Variants in PURG observed in about 807,000 individuals in gnomAD.
PURG encodes purine-rich element-binding protein gamma.
PURG carries 3 observed loss-of-function variants against 24.3 expected under a neutral mutation model. That is an observed-to-expected ratio of 0.12 (90% CI 0.06 to 0.32). PURG has a LOEUF of 0.32. PURG is among the 10% of genes least tolerant of loss of function. The pLI, the probability that PURG is intolerant of heterozygous loss-of-function variation, is 1.00. For synonymous variants in PURG, 180 were observed against 173.1 expected (o/e 1.04, Z -0.31); for missense variants, 371 against 439.1 (o/e 0.84, Z 1.39).
At chr8:31,019,782 C>T (rs958293116) in intron 1 of PURG, among the ~76,000 whole-genome samples, 3 of 151,302 alleles carry the variant, frequency 2.0e-5, no homozygotes, top group African/African-American at 2.4e-5. Flanking sequence ...CCACCCGCCT[C>T]GGCCTCCCAA....
At chr8:31,015,941 T>A (rs1217483824) in intron 1 of PURG, among the ~76,000 whole-genome samples, 1 of 151,960 alleles carries the variant, frequency 6.6e-6, no homozygotes, top group Admixed American at 6.6e-5. Context: ...TGGTCCCAGC[T>A]ACTTGGGAGG....
chr8:31,031,263 A>T lies in PURG; in HGVS notation c.*476T>A, dbSNP rs1424235616. ...ACAATATACGTCTACTTGTACTTTT[A>T]TAAGTAAATATTTATATATACCGGA... is the stretch of plus-strand genomic sequence containing the variant. On this transcript the variant is annotated 3_prime_UTR_variant, in exon 2 of 2. Coordinates refer to ENST00000523392, the MANE Select transcript of PURG (RefSeq NM_001323311.2). The T allele has an allele frequency of 1.3e-5, 2 of 156,256 alleles. No homozygotes were observed. The highest frequency in any genetic ancestry group is 2.8e-5 in the Non-Finnish European group (2 of 70,258). 9.7% of individuals were successfully genotyped at this position (156,256 alleles called of 1,614,324 possible). A position where few individuals can be genotyped will look rare whatever the true frequency, so the allele number is the denominator to read the frequency against.
chr8:30,997,881 C>A (rs1416575460), intron 1 of PURG, among the ~76,000 whole-genome samples: 1 of 151,742 alleles, frequency 6.6e-6, no homozygotes, highest in Non-Finnish European at 1.5e-5. Flanking sequence ...CTATACACAG[C>A]AGCACATCCA....
intron 1 of PURG, among the ~76,000 whole-genome samples, chr8:30,996,918 A>G (rs946708284): frequency 1.3e-4 from 19 of 151,794 alleles, no homozygotes; most frequent in African/African-American, 4.6e-4. Context: ...AGGTATATTC[A>G]GATCTCAATG....
At chr8:31,003,142 G>A (rs1810572329) in intron 1 of PURG, among the ~76,000 whole-genome samples, 1 of 152,166 alleles carries the variant, frequency 6.6e-6, no homozygotes, top group African/African-American at 2.4e-5. Context: ...TAGGTCATGT[G>A]AAAGGGAGGA....
At chr8:31,027,000 A>G (rs888658605), downstream of PURG, among the ~76,000 whole-genome samples, 1 of 151,680 alleles carries the variant, frequency 6.6e-6, no homozygotes, top group African/African-American at 2.4e-5. Context: ...TTCACATGAT[A>G]TTAAGTTGGG....
downstream of PURG, among the ~76,000 whole-genome samples, chr8:31,029,989 C>G (rs914626211): frequency 6.6e-6 from 1 of 151,884 alleles, no homozygotes; most frequent in African/African-American, 2.4e-5. Context: ...TTCCTTCACG[C>G]TACTAGAGGA....
At chr8:30,999,959 T>C (rs1173720370) in intron 1 of PURG, among the ~76,000 whole-genome samples, 1 of 126,166 alleles carries the variant, frequency 7.9e-6, no homozygotes, top group African/African-American at 3.2e-5. Flanking sequence ...ACATAAGTCG[T>C]ATGTGTTTTC....
In PURG at chr8:30,996,676, TGGATTTGG is replaced by T. The variant is rs751604214; in HGVS notation, c.878_885del (p.Pro293GlnfsTer15). On this transcript the variant is annotated frameshift_variant, in exon 2 of 2. Transcript: ENST00000339382. LOFTEE classifies it high-confidence loss of function. ...CAGTGAAAAAGGTTGATATTCTCTC[TGGATTTGG>T]GGTAATTTGTGAGCTAAAGAAAAAA... 1.2e-6 allele frequency: 2 copies of T among 1,611,768 alleles called. No homozygotes were observed. The highest frequency in any genetic ancestry group is 1.7e-6 in the Non-Finnish European group (2 of 1,178,298).
chr8:31,031,289 G>A lies in PURG; in HGVS notation c.*450C>T, dbSNP rs933421307. 3.8e-5 allele frequency: 6 copies of A among 159,068 alleles called. No individual in the cohort carries two copies. Among genetic ancestry groups the A allele is most frequent in the Non-Finnish European group, 5.6e-5 (4 of 71,970 alleles). 9.9% of individuals were successfully genotyped at this position (159,068 alleles called of 1,614,324 possible). A position where few individuals can be genotyped will look rare whatever the true frequency, so the allele number is the denominator to read the frequency against. On this transcript the variant is annotated 3_prime_UTR_variant, in exon 2 of 2. Coordinates refer to ENST00000523392, the MANE Select transcript of PURG (RefSeq NM_001323311.2). ...TAAGTAAATATTTATATATACCGGA[G>A]GTCAATTTCTGTTTCTGTGGTAACT...
At chr8:31,022,647 G>A (rs1216291738) in intron 1 of PURG, among the ~76,000 whole-genome samples, 6 of 152,176 alleles carry the variant, frequency 3.9e-5, no homozygotes, top group African/African-American at 1.2e-4. Context: ...GTGTACAGGA[G>A]GGAAGAAGGA....
chr8:31,008,822 A>T (rs1371601277), intron 1 of PURG, among the ~76,000 whole-genome samples: 1 of 152,190 alleles, frequency 6.6e-6, no homozygotes, highest in Non-Finnish European at 1.5e-5. Context: ...TTGGACTTGA[A>T]CCCAGGACTG....
rs150124229 is a variant in PURG, at chr8:30,999,480, A to G, written c.865-2783T>C. Among the ~76,000 whole-genome samples the G allele has an allele frequency of 1.9e-3, 296 of 152,034 alleles. 1 individual carries two copies. Among genetic ancestry groups the G allele is most frequent in the Non-Finnish European group, 2.2e-3 (146 of 67,814 alleles). The stretch of plus-strand genomic sequence containing the variant: ...CATTGCAAAGAATAGTTTAAGTTAA[A>G]CATTTTGTGTAATTAGAAAAACAGG... On this transcript the variant is annotated intron_variant, in intron 1 of 1. Coordinates refer to the PURG transcript ENST00000339382.
At chr8:31,020,216 G>T (rs1810967768) in intron 1 of PURG, among the ~76,000 whole-genome samples, 1 of 152,160 alleles carries the variant, frequency 6.6e-6, no homozygotes, top group Non-Finnish European at 1.5e-5. Flanking sequence ...GCTTTTAGAA[G>T]AAATTAGTAT....
downstream of PURG, among the ~76,000 whole-genome samples, chr8:31,028,367 C>T (rs770268557): frequency 1.3e-5 from 2 of 151,770 alleles, no homozygotes; most frequent in Non-Finnish European, 3.0e-5. Context: ...CTTATAGATT[C>T]TAGCTACATA....
chr8:31,023,667 A>G (rs1406163930), intron 1 of PURG, among the ~76,000 whole-genome samples: 1 of 152,142 alleles, frequency 6.6e-6, no homozygotes, highest in African/African-American at 2.4e-5. Flanking sequence ...GGCTAAAAAA[A>G]ACCCCCAAAC....
intron 1 of PURG, among the ~76,000 whole-genome samples, chr8:31,022,226 C>T (rs1316115883): frequency 6.6e-6 from 1 of 152,186 alleles, no homozygotes; most frequent in African/African-American, 2.4e-5. Context: ...CCGCCTTGGC[C>T]TCCCAAAGTG....
At chr8:30,996,701 A>G (rs773051735) in intron 1 of PURG, 1 of 1,597,586 alleles carries the variant, frequency 6.3e-7, no homozygotes, top group South Asian at 1.1e-5. Context: ...TTGTGAGCTA[A>G]AGAAAAAATA....
intron 1 of PURG, among the ~76,000 whole-genome samples, chr8:31,024,122 T>C (rs987242902): frequency 6.6e-6 from 1 of 152,214 alleles, no homozygotes; most frequent in Admixed American, 6.5e-5. Flanking sequence ...TTGGTCTTAA[T>C]AAGGACTAGA....
Sources: allele counts gnomAD v4.1 joint callset (sites outside exome capture counted in the v4.1 genomes callset), GRCh38; gene constraint gnomAD v4.1.1; transcripts MANE v1.5; gene names NCBI Gene and HGNC (gene_info 2026-07-23, HGNC 2026-07-21).